The following CLMP variants were observed in gnomAD, a reference collection of about 807,000 sequenced individuals.
CLMP encodes CXADR-like membrane protein.
Under a neutral mutation model 45.2 loss-of-function variants are expected in CLMP, and 27 were observed. The observed-to-expected ratio is 0.60, with a 90% CI of 0.44 to 0.82. The LOEUF (loss-of-function observed/expected upper bound fraction) is 0.82, where lower values mean the gene tolerates loss of function less well. CLMP is among the 40% of genes least tolerant of loss of function. CLMP has a pLI of 0.00. For missense variants in CLMP, 403 were observed against 448.4 expected, an observed-to-expected ratio of 0.90 and a Z score of 0.91; for synonymous variants, 167 against 171.4, an observed-to-expected ratio of 0.97 and a Z score of 0.20.
At chr11:123,110,668 G>A (rs1234822403) in intron 1 of CLMP, among the ~76,000 whole-genome samples, 2 of 152,110 alleles carry the variant, frequency 1.3e-5, no homozygotes, top group Non-Finnish European at 2.9e-5. Flanking sequence ...CCTGAGCTGC[G>A]GGCGTCAGTC....
At chr11:123,084,792 G>A (rs1865845208) in intron 2 of CLMP, 79 bp from the exon 3 acceptor site, 1 of 1,279,218 alleles carries the variant, frequency 7.8e-7, no homozygotes, top group African/African-American at 1.5e-5. Context: ...AGAGGAAAGG[G>A]AGTACTCCCA....
At chr11:123,178,266 C>A (rs568542824) in intron 1 of CLMP, among the ~76,000 whole-genome samples, 84 of 152,332 alleles carry the variant, frequency 5.5e-4, no homozygotes, top group Non-Finnish European at 1.0e-4. Flanking sequence ...CCAGATTAGA[C>A]TCCCCTGAAG....
chr11:123,167,040 C>G (rs935745650), intron 1 of CLMP, among the ~76,000 whole-genome samples: 4 of 152,172 alleles, frequency 2.6e-5, no homozygotes, highest in African/African-American at 9.7e-5. Context: ...ACATGCCAGG[C>G]ATGGCACTAG....
intron 5 of CLMP, among the ~76,000 whole-genome samples, chr11:123,082,696 C>T (rs1210363423): frequency 1.3e-5 from 2 of 151,680 alleles, no homozygotes; most frequent in East Asian, 2.0e-4. Context: ...CTGCAACCTC[C>T]GCCTCCCAGG....
At chr11:123,135,639 C>T (rs1861061412) in intron 1 of CLMP, among the ~76,000 whole-genome samples, 1 of 152,124 alleles carries the variant, frequency 6.6e-6, no homozygotes, top group African/African-American at 2.4e-5. Context: ...CTTTTCTCTG[C>T]ATATCTAAAT....
intron 1 of CLMP, among the ~76,000 whole-genome samples, chr11:123,125,761 G>T (rs549703988): frequency 6.6e-6 from 1 of 151,200 alleles, no homozygotes; most frequent in Non-Finnish European, 1.5e-5. Flanking sequence ...GTGCCACCAC[G>T]CCTGGCTAAT....
At chr11:123,180,597 G>C (rs1207421356) in intron 1 of CLMP, among the ~76,000 whole-genome samples, 1 of 110,650 alleles carries the variant, frequency 9.0e-6, no homozygotes, top group African/African-American at 3.1e-5. Context: ...AAATGCATAG[G>C]AGTAAAAAAA....
At chr11:123,107,496 G>T (rs1209007270) in intron 1 of CLMP, among the ~76,000 whole-genome samples, 2 of 150,674 alleles carry the variant, frequency 1.3e-5, no homozygotes, top group Non-Finnish European at 2.9e-5. Flanking sequence ...CTCCCAAAGT[G>T]CTGGGATTAC....
chr11:123,166,851 C>A (rs372808991), intron 1 of CLMP, among the ~76,000 whole-genome samples: 2 of 152,214 alleles, frequency 1.3e-5, no homozygotes. Context: ...CGGATTTGAT[C>A]GTTACGTATC....
At chr11:123,089,776 CAAAA>C (rs556690828) in intron 2 of CLMP, among the ~76,000 whole-genome samples, 3 of 79,374 alleles carry the variant, frequency 3.8e-5, no homozygotes, top group Admixed American at 1.4e-4. Context: ...GTCTCCATCT[CAAAA>C]AAAAAAAAAA....
chr11:123,171,796 G>A (rs568742303), intron 1 of CLMP, among the ~76,000 whole-genome samples: 8 of 152,208 alleles, frequency 5.3e-5, no homozygotes, highest in Admixed American at 1.3e-4. Flanking sequence ...ATTTAAGGAC[G>A]AGTGGCACTT....
intron 1 of CLMP, among the ~76,000 whole-genome samples, chr11:123,188,331 C>T (rs976695835): frequency 1.4e-4 from 21 of 152,130 alleles, no homozygotes; most frequent in African/African-American, 4.6e-4. Flanking sequence ...TGAAATAGAA[C>T]GCGCTCAGAG....
chr11:123,142,491 C>A (rs1861174462), intron 1 of CLMP, among the ~76,000 whole-genome samples: 1 of 152,132 alleles, frequency 6.6e-6, no homozygotes, highest in Non-Finnish European at 1.5e-5. Context: ...AAGTGGGAAA[C>A]CTATAGTAAG....
intron 1 of CLMP, among the ~76,000 whole-genome samples, chr11:123,162,517 C>T (rs929521166): frequency 6.6e-6 from 1 of 152,150 alleles, no homozygotes; most frequent in Non-Finnish European, 1.5e-5. Context: ...TAATTGAGGG[C>T]TTGCTGGGAG....
intron 1 of CLMP, among the ~76,000 whole-genome samples, chr11:123,146,571 A>C (rs1379161598): frequency 6.6e-6 from 1 of 152,024 alleles, no homozygotes; most frequent in Non-Finnish European, 1.5e-5. Flanking sequence ...ACACATCCTC[A>C]TTCTTAAAAT....
At chr11:123,107,534 ATTTT>A (rs370750162) in intron 1 of CLMP, among the ~76,000 whole-genome samples, 13 of 123,410 alleles carry the variant, frequency 1.1e-4, no homozygotes, top group Non-Finnish European at 1.8e-4. Flanking sequence ...CCTGACCTAA[ATTTT>A]TTTTTTTTTT....
chr11:123,083,256 A>T, intron 4 of CLMP, 49 bp from the exon 5 acceptor site: 1 of 1,561,920 alleles, frequency 6.4e-7, no homozygotes, highest in Admixed American at 1.8e-5. Flanking sequence ...GATGGTATCT[A>T]TATTTATTGT....
intron 1 of CLMP, among the ~76,000 whole-genome samples, chr11:123,190,185 C>T (rs562647881): frequency 1.6e-4 from 24 of 152,246 alleles, no homozygotes; most frequent in African/African-American, 3.9e-4. Context: ...GGGATCGGGC[C>T]ATCACCCTGA....
chr11:123,076,916 G>A (rs1865746805), intron 5 of CLMP, among the ~76,000 whole-genome samples: 1 of 150,650 alleles, frequency 6.6e-6, no homozygotes, highest in South Asian at 2.1e-4. Flanking sequence ...TAGGATGAAA[G>A]TAATGTATAT....
Sources: allele counts gnomAD v4.1 joint callset (sites outside exome capture counted in the v4.1 genomes callset), GRCh38; gene constraint gnomAD v4.1.1; transcripts MANE v1.5; gene names NCBI Gene and HGNC (gene_info 2026-07-23, HGNC 2026-07-21).